Variants in PRICKLE2 observed in about 807,000 individuals in gnomAD.
PRICKLE2 encodes the protein prickle-like protein 2.
PRICKLE2 carries 21 observed loss-of-function variants against 81.4 expected under a neutral mutation model. The ratio of observed to expected loss-of-function variants is 0.26; its 90% CI spans 0.18 to 0.37. PRICKLE2 has a LOEUF of 0.37. Ranked by LOEUF, PRICKLE2 falls within the 10% of genes least tolerant of loss-of-function variation. PRICKLE2 has a pLI of 1.00. For synonymous variants in PRICKLE2, 456 were observed against 421.5 expected, an observed-to-expected ratio of 1.08 and a Z score of -1.00; for missense variants, 940 against 1,109.0, an observed-to-expected ratio of 0.85 and a Z score of 2.16.
intron 1 of PRICKLE2, among the ~76,000 whole-genome samples, chr3:64,212,049 T>C (rs893146336): frequency 6.6e-6 from 1 of 152,158 alleles, no homozygotes; most frequent in African/African-American, 2.4e-5. Context: ...AGAGAGCTAA[T>C]TCAACTTCGT....
upstream of PRICKLE2, among the ~76,000 whole-genome samples, chr3:64,230,100 A>C (rs1346475690): frequency 1.3e-5 from 2 of 152,174 alleles, no homozygotes; most frequent in Non-Finnish European, 2.9e-5. Flanking sequence ...AGAGGCTTTT[A>C]GGTGCCTCAG....
At chr3:64,246,841 G>A (rs1049341034) in intron 2 of PRICKLE2, among the ~76,000 whole-genome samples, 6 of 152,080 alleles carry the variant, frequency 3.9e-5, no homozygotes, top group Admixed American at 3.9e-4. Context: ...AAAAATTATT[G>A]GTAGAAAGTA....
rs186163130 is a variant in PRICKLE2, at chr3:64,249,360, C to T, written c.129-50393G>A. On this transcript the variant is annotated intron_variant, in intron 2 of 8. Transcript: ENST00000295902. ...GCCTCCATGATCCAACCACCTCCCACCAAGCCCTTCTCCCAACATGGGGGG... is the reference window on the plus strand; with the variant it reads ...GCCTCCATGATCCAACCACCTCCCATCAAGCCCTTCTCCCAACATGGGGGG... 1.4e-4 allele frequency among the ~76,000 whole-genome samples: 22 copies of T among 152,318 alleles called. No homozygotes were observed. In the East Asian group the frequency reaches 3.5e-3, roughly 24 times the overall value.
chr3:64,135,305 T>A (rs1575576987), intron 7 of PRICKLE2, among the ~76,000 whole-genome samples: 1 of 152,006 alleles, frequency 6.6e-6, no homozygotes, highest in Admixed American at 6.6e-5. Context: ...TCCTTGTGCA[T>A]GGGAAAAATA....
chr3:64,224,535 C>G (rs545688583), intron 1 of PRICKLE2, among the ~76,000 whole-genome samples: 4 of 152,332 alleles, frequency 2.6e-5, no homozygotes, highest in African/African-American at 9.6e-5. Context: ...CTAATGGTTT[C>G]TGACATCATG....
At chr3:64,258,837 AAAAAAAAAAAAG>A (rs2079567400) in intron 2 of PRICKLE2, among the ~76,000 whole-genome samples, 7 of 55,704 alleles carry the variant, frequency 1.3e-4, no homozygotes, top group African/African-American at 4.0e-4. Context: ...AAAAAAAAAA[AAAAAAAAAAAAG>A]AAAGAAAGAA....
intron 1 of PRICKLE2, among the ~76,000 whole-genome samples, chr3:64,212,901 G>A (rs1016085206): frequency 6.6e-5 from 10 of 152,034 alleles, no homozygotes; most frequent in Admixed American, 5.2e-4. Flanking sequence ...AGAGATCAAT[G>A]GAAAACAGAC....
rs1277797074 is a variant in PRICKLE2 at position 64,258,822 on chromosome 3, TC to T, written c.129-59856del. ...CTGGGCGACAGAGCAAGACTCTGTC[TC>T]AAAAAAAAAAAAAAAAAAAAAAAAA... On this transcript the variant is annotated intron_variant, in intron 2 of 8. Transcript: ENST00000295902. Among the ~76,000 whole-genome samples the T allele has an allele frequency of 5.5e-4, 12 of 21,662 alleles. No homozygotes were observed. The East Asian group carries it at 6.6e-3, about 12-fold the overall frequency. 14.2% of individuals were successfully genotyped at this position (21,662 alleles called of 152,430 possible).
intron 5 of PRICKLE2, 137 bp from the exon 6 acceptor site, chr3:64,153,505 A>C: frequency 2.6e-6 from 2 of 761,560 alleles, no homozygotes; most frequent in Non-Finnish European, 4.4e-6. Flanking sequence ...AAAAATCCAT[A>C]TGGATATGTT....
At chr3:64,110,252 C>A (rs1353340968) in intron 7 of PRICKLE2, among the ~76,000 whole-genome samples, 1 of 152,204 alleles carries the variant, frequency 6.6e-6, no homozygotes, top group Non-Finnish European at 1.5e-5. Context: ...TCTGGGTCAA[C>A]AAGCAGACCA....
intron 2 of PRICKLE2, among the ~76,000 whole-genome samples, chr3:64,242,293 T>C (rs892893756): frequency 2.6e-5 from 4 of 152,222 alleles, no homozygotes; most frequent in Non-Finnish European, 5.9e-5. Context: ...GAACCTTGCA[T>C]TTTAACTTAC....
At chr3:64,112,638 C>CA (rs1257421014) in intron 7 of PRICKLE2, among the ~76,000 whole-genome samples, 1 of 152,016 alleles carries the variant, frequency 6.6e-6, no homozygotes, top group African/African-American at 2.4e-5. Flanking sequence ...TTTGGGCTCT[C>CA]AAAAAAAGTT....
intron 7 of PRICKLE2, among the ~76,000 whole-genome samples, chr3:64,110,418 C>A (rs1166888381): frequency 6.6e-6 from 1 of 152,176 alleles, no homozygotes; most frequent in African/African-American, 2.4e-5. Context: ...GGGAGCACAA[C>A]TGTGAACAAG....
chr3:64,092,757 G>C lies in PRICKLE2; in HGVS notation c.*6294C>G, dbSNP rs1043081920. On this transcript the variant is annotated 3_prime_UTR_variant, in exon 8 of 8. Coordinates refer to ENST00000638394, the MANE Select transcript of PRICKLE2 (RefSeq NM_198859.4). ...AAAATTAACTGTGTGGCCTGGGTAG[G>C]AATCAGTTTCAAGAATTCTCAAGGA... 5 of 152,150 alleles carry C rather than the reference G, an allele frequency of 3.3e-5. No individual in the cohort carries two copies. The highest frequency in any genetic ancestry group is 9.7e-5 in the African/African-American group (4 of 41,424). 9.4% of individuals were successfully genotyped at this position (152,150 alleles called of 1,614,324 possible).
At chr3:64,156,784 T>C (rs561572763) in intron 5 of PRICKLE2, among the ~76,000 whole-genome samples, 1 of 152,326 alleles carries the variant, frequency 6.6e-6, no homozygotes, top group Non-Finnish European at 1.5e-5. Flanking sequence ...AATTTTAAGA[T>C]ATAAGTGGCA....
chr3:64,122,914 A>T (rs704388), intron 7 of PRICKLE2, among the ~76,000 whole-genome samples: 89,590 of 151,896 alleles, frequency 0.59, 27,316 homozygotes, highest in South Asian at 0.73. Context: ...GAGAGGGAGG[A>T]ACTTTGCTTG....
intron 2 of PRICKLE2, among the ~76,000 whole-genome samples, chr3:64,256,863 C>CCATAAAA (rs1304206578): frequency 6.6e-6 from 1 of 152,182 alleles, no homozygotes; most frequent in Admixed American, 6.5e-5. Flanking sequence ...CCATCAGTCA[C>CCATAAAA]ATATGCATTT....
chr3:64,197,768 T>C (rs2078484482), intron 2 of PRICKLE2, among the ~76,000 whole-genome samples: 1 of 151,814 alleles, frequency 6.6e-6, no homozygotes, highest in Non-Finnish European at 1.5e-5. Context: ...AATATCTGGG[T>C]GATGAAATAA....
chr3:64,225,813 C>A (rs553222516), upstream of PRICKLE2, among the ~76,000 whole-genome samples: 3 of 152,030 alleles, frequency 2.0e-5, no homozygotes, highest in African/African-American at 7.2e-5. Flanking sequence ...ATATGCTGCA[C>A]CAACCTAGGA....
Sources: allele counts gnomAD v4.1 joint callset (sites outside exome capture counted in the v4.1 genomes callset), GRCh38; gene constraint gnomAD v4.1.1; transcripts MANE v1.5; gene names NCBI Gene and HGNC (gene_info 2026-07-23, HGNC 2026-07-21).